Variants in KAZN observed in about 807,000 individuals in gnomAD.
KAZN encodes kazrin, periplakin interacting protein, also known as kazrin.
Under a neutral mutation model 87.4 loss-of-function variants are expected in KAZN, and 40 were observed. The observed-to-expected ratio is 0.46, with a 90% confidence interval of 0.36 to 0.60. The LOEUF (loss-of-function observed/expected upper bound fraction) is 0.60, where lower values mean the gene tolerates loss of function less well. KAZN is among the 20% of genes least tolerant of loss of function. KAZN has a pLI of 0.00. For missense variants in KAZN, 898 were observed against 1,073.9 expected (o/e 0.84, Z 2.29); for synonymous variants, 466 against 458.3 (o/e 1.02, Z -0.22).
chr1:14,891,492 C>T (rs1337588635), intron 1 of KAZN, among the ~76,000 whole-genome samples: 1 of 152,186 alleles, frequency 6.6e-6, no homozygotes, highest in Non-Finnish European at 1.5e-5. Context: ...CATTAACTTT[C>T]CTTTTTATGG....
intron 2 of KAZN, among the ~76,000 whole-genome samples, chr1:15,033,068 T>C (rs551093703): frequency 6.6e-6 from 1 of 152,310 alleles, no homozygotes; most frequent in South Asian, 2.1e-4. Context: ...ATAACAACTA[T>C]TCATGTGGCA....
chr1:13,945,918 T>C (rs1300611239), intron 1 of KAZN, among the ~76,000 whole-genome samples: 4 of 152,086 alleles, frequency 2.6e-5, no homozygotes, highest in African/African-American at 9.7e-5. Context: ...TCTGCCCAAG[T>C]CCCTATTGCT....
chr1:14,373,499 C>T (rs1660670621), intron 2 of KAZN, among the ~76,000 whole-genome samples: 1 of 152,122 alleles, frequency 6.6e-6, no homozygotes, highest in Non-Finnish European at 1.5e-5. Context: ...TTGGGAAGGG[C>T]AAACTGCTTA....
At chr1:13,944,791 T>G (rs35036019) in intron 1 of KAZN, among the ~76,000 whole-genome samples, 21,137 of 151,004 alleles carry the variant, frequency 0.14, 1,569 homozygotes, top group Middle Eastern at 0.22. Flanking sequence ...TAATCAAAAA[T>G]AAGACAAGAA....
intron 2 of KAZN, among the ~76,000 whole-genome samples, chr1:15,003,004 GTA>G (rs1491364601): frequency 0.13 from 14,646 of 114,988 alleles, 769 homozygotes; most frequent in South Asian, 0.21. Context: ...AAAAATAAAC[GTA>G]CACACACACA....
intron 1 of KAZN, among the ~76,000 whole-genome samples, chr1:13,997,433 G>A (rs6659321): frequency 6.6e-6 from 1 of 151,766 alleles, no homozygotes; most frequent in Non-Finnish European, 1.5e-5. Flanking sequence ...GAGCTACGGG[G>A]GCATATTCTA....
At chr1:14,786,119 T>C (rs886478566) in intron 1 of KAZN, among the ~76,000 whole-genome samples, 1 of 152,250 alleles carries the variant, frequency 6.6e-6, no homozygotes, top group Non-Finnish European at 1.5e-5. Context: ...ATTGTAATTA[T>C]ATTTCATCTT....
intron 2 of KAZN, among the ~76,000 whole-genome samples, chr1:14,585,519 C>A (rs1675802613): frequency 6.6e-6 from 1 of 152,150 alleles, no homozygotes; most frequent in Non-Finnish European, 1.5e-5. Context: ...GATCACAGAG[C>A]AGAGGAGGCC....
chr1:14,436,873 G>T (rs896400260), intron 2 of KAZN, among the ~76,000 whole-genome samples: 7 of 150,798 alleles, frequency 4.6e-5, no homozygotes, highest in Non-Finnish European at 8.9e-5. Context: ...TTTCACTCAG[G>T]TCTGTCTGAT....
intron 5 of KAZN, among the ~76,000 whole-genome samples, chr1:15,059,538 G>A (rs905330971): frequency 2.0e-5 from 3 of 152,272 alleles, no homozygotes; most frequent in African/African-American, 4.8e-5. Context: ...TGGAGTCAGC[G>A]CGACCCACCG....
At chr1:14,307,923 G>T (rs1013763786) in intron 2 of KAZN, among the ~76,000 whole-genome samples, 1 of 152,130 alleles carries the variant, frequency 6.6e-6, no homozygotes. Flanking sequence ...CATCAATATT[G>T]GGACAACAGA....
intron 1 of KAZN, among the ~76,000 whole-genome samples, chr1:14,740,067 A>C (rs1472622427): frequency 1.3e-5 from 2 of 152,182 alleles, no homozygotes; most frequent in African/African-American, 2.4e-5. Context: ...ACAAGGGACC[A>C]TCTGCCTTGC....
In KAZN at chr1:13,938,263, C is replaced by G. The variant is rs576892237; in HGVS notation, c.91+44507C>G. Among the ~76,000 whole-genome samples, 21 of 152,152 alleles carry G rather than the reference C, an allele frequency of 1.4e-4. No homozygotes were observed. In the East Asian group the frequency reaches 3.1e-3, roughly 22 times the overall value. ...GTTCAGCTCCTTGGTTAAATGTATT[C>G]TAGGCACTTTCTTTTTAGCTATTAT... On this transcript the variant is annotated intron_variant, in intron 1 of 16. Transcript: ENST00000636203.
At chr1:14,957,497 C>T (rs901107627) in intron 1 of KAZN, among the ~76,000 whole-genome samples, 3 of 152,242 alleles carry the variant, frequency 2.0e-5, no homozygotes, top group African/African-American at 7.2e-5. Context: ...GATTGGGCCC[C>T]GCTCTCGGAT....
intron 1 of KAZN, among the ~76,000 whole-genome samples, chr1:14,631,532 C>T (rs1476156635): frequency 6.6e-6 from 1 of 152,156 alleles, no homozygotes. Flanking sequence ...GGCCCTCCAG[C>T]CCCGATCCTG....
chr1:14,687,548 CAA>C (rs552391515), intron 1 of KAZN, among the ~76,000 whole-genome samples: 82 of 152,282 alleles, frequency 5.4e-4, no homozygotes, highest in African/African-American at 1.8e-3. Flanking sequence ...CAGGCCCCAG[CAA>C]AGAGTCCAGA....
At chr1:14,070,233 A>C (rs1359053858) in intron 1 of KAZN, among the ~76,000 whole-genome samples, 2 of 147,680 alleles carry the variant, frequency 1.4e-5, no homozygotes, top group Non-Finnish European at 3.0e-5. Context: ...ATAAGGTATG[A>C]AAATTAAAGG....
intron 2 of KAZN, among the ~76,000 whole-genome samples, chr1:14,517,345 AAGG>A (rs1318372485): frequency 6.6e-6 from 1 of 152,084 alleles, no homozygotes; most frequent in Non-Finnish European, 1.5e-5. Context: ...ACACAGAGAA[AAGG>A]AGGGCAGAAA....
At chr1:14,183,814 CT>C (rs1247568471) in intron 2 of KAZN, among the ~76,000 whole-genome samples, 1 of 152,108 alleles carries the variant, frequency 6.6e-6, no homozygotes, top group Non-Finnish European at 1.5e-5. Flanking sequence ...AGGCCGAGTG[CT>C]AAAGGGTAGA....
Sources: gnomAD v4.1 joint callset for allele counts (sites outside exome capture counted in the v4.1 genomes callset) on GRCh38, gnomAD v4.1.1 for gene constraint, MANE v1.5 for transcripts, NCBI Gene and HGNC (gene_info 2026-07-23, HGNC 2026-07-21) for gene names.